HFM1: variants seen among roughly 807,000 people sequenced by gnomAD.
HFM1 encodes the protein probable ATP-dependent DNA helicase HFM1.
HFM1 carries 169 observed loss-of-function variants against 192.1 expected under a neutral mutation model. The observed-to-expected ratio is 0.88, with a 90% CI of 0.78 to 1.00. The LOEUF (loss-of-function observed/expected upper bound fraction) is 1.00. HFM1 is among the 50% of genes least tolerant of loss of function. The pLI, the probability that HFM1 is intolerant of heterozygous loss-of-function variation, is 0.00. For missense variants in HFM1, 1,661 were observed against 1,668.0 expected, an observed-to-expected ratio of 1.00 and a Z score of 0.07; for synonymous variants, 525 against 537.8, an observed-to-expected ratio of 0.98 and a Z score of 0.33.
intron 30 of HFM1, among the ~76,000 whole-genome samples, chr1:91,292,889 A>C (rs1169204358): frequency 2.6e-5 from 4 of 152,172 alleles, no homozygotes; most frequent in African/African-American, 9.7e-5. Context: ...AGCCCTCAGA[A>C]ATAACGCCAC....
chr1:91,273,361 C>T (rs577490470), intron 34 of HFM1, among the ~76,000 whole-genome samples: 1 of 151,964 alleles, frequency 6.6e-6, no homozygotes, highest in Non-Finnish European at 1.5e-5. Flanking sequence ...GTTTTATAAA[C>T]ATAAAATTAT....
At chr1:91,360,364 A>G (rs1658332166) in intron 13 of HFM1, among the ~76,000 whole-genome samples, 1 of 152,210 alleles carries the variant, frequency 6.6e-6, no homozygotes, top group Non-Finnish European at 1.5e-5. Flanking sequence ...TACCAAGCAA[A>G]TGGAAAACAG....
chr1:91,302,061 A>G (rs1648855951), intron 30 of HFM1, among the ~76,000 whole-genome samples: 1 of 142,114 alleles, frequency 7.0e-6, no homozygotes, highest in Admixed American at 7.3e-5. Flanking sequence ...AGAATCTACA[A>G]TGAACTCAAA....
chr1:91,378,928 AT>A, intron 9 of HFM1, 134 bp downstream of exon 9: 1 of 557,802 alleles, frequency 1.8e-6, no homozygotes, highest in Non-Finnish European at 3.0e-6. Flanking sequence ...GAATTGTAGT[AT>A]TTTTTTAATG....
intron 38 of HFM1, 30 bp from the exon 39 acceptor site, chr1:91,261,389 C>T: frequency 1.9e-6 from 2 of 1,057,776 alleles, no homozygotes; most frequent in Non-Finnish European, 2.6e-6. Flanking sequence ...GTAAAAATAA[C>T]TATTTTTTAA....
chr1:91,325,881 T>G (rs1652821357), intron 20 of HFM1, among the ~76,000 whole-genome samples: 1 of 152,090 alleles, frequency 6.6e-6, no homozygotes, highest in African/African-American at 2.4e-5. Flanking sequence ...GGATTCAGAA[T>G]TCTATCAGAT....
chr1:91,332,262 A>C (rs281976), intron 20 of HFM1, among the ~76,000 whole-genome samples: 32 of 152,298 alleles, frequency 2.1e-4, no homozygotes, highest in South Asian at 8.3e-4. Flanking sequence ...CAGACACATC[A>C]ATCAATGGAA....
intron 20 of HFM1, among the ~76,000 whole-genome samples, chr1:91,335,020 G>C (rs1049458032): frequency 6.6e-6 from 1 of 152,080 alleles, no homozygotes; most frequent in African/African-American, 2.4e-5. Flanking sequence ...AAAACAGCTG[G>C]GAAGAAGAAA....
chr1:91,292,912 A>C lies in HFM1; in HGVS notation c.3392-15850T>G, dbSNP rs1668947537. Reference sequence around the variant, plus strand: ...GAAATAACGCCACATATCTACAACTATCTGATCTTTGACAAACCCGACAAA... The same window carrying C: ...GAAATAACGCCACATATCTACAACTCTCTGATCTTTGACAAACCCGACAAA... On this transcript the variant is annotated intron_variant, in intron 30 of 38. Transcript: ENST00000370425. Among the ~76,000 whole-genome samples, 2 of 152,170 alleles carry C rather than the reference A, an allele frequency of 1.3e-5. 1 individual carries two copies. Among genetic ancestry groups the C allele is most frequent in the South Asian group, 4.1e-4 (2 of 4,832 alleles).
At chr1:91,371,990 CTCA>C (rs1473973437) in intron 13 of HFM1, among the ~76,000 whole-genome samples, 2 of 152,156 alleles carry the variant, frequency 1.3e-5, no homozygotes, top group African/African-American at 4.8e-5. Flanking sequence ...TGAAAAAATG[CTCA>C]TCATCACTGG....
chr1:91,271,545 G>A (rs1666294639), intron 34 of HFM1, among the ~76,000 whole-genome samples: 1 of 152,102 alleles, frequency 6.6e-6, no homozygotes, highest in South Asian at 2.1e-4. Flanking sequence ...CAGTGGAGAG[G>A]AAACAATGAA....
upstream of HFM1, among the ~76,000 whole-genome samples, chr1:91,405,052 T>G (rs1008632658): frequency 2.0e-5 from 3 of 152,150 alleles, no homozygotes; most frequent in East Asian, 5.8e-4. Context: ...TTCCCTAAGC[T>G]AACCTGCTTC....
chr1:91,297,036 T>C (rs1382579438), intron 30 of HFM1, among the ~76,000 whole-genome samples: 2 of 152,168 alleles, frequency 1.3e-5, no homozygotes, highest in African/African-American at 2.4e-5. Flanking sequence ...GAATTCCCTT[T>C]CCTAGTCAAA....
rs1292494825 is a variant in HFM1, at chr1:91,323,080, G to A, written c.2534+13C>T. On this transcript the variant is annotated intron_variant, in intron 22 of 38. Transcript: ENST00000370425. ...CCTCTTAAAATTATTTAAAACATATGTAATTTCTGTACCTGATAGTTATCC... is the reference window on the plus strand; with the variant it reads ...CCTCTTAAAATTATTTAAAACATATATAATTTCTGTACCTGATAGTTATCC... The A allele has an allele frequency of 7.0e-7, 1 of 1,422,782 alleles. No individual in the cohort carries two copies. The highest frequency in any genetic ancestry group is 1.3e-5 in the South Asian group (1 of 75,206). 88.1% of individuals were successfully genotyped at this position (1,422,782 alleles called of 1,614,324 possible).
chr1:91,323,561 A>C (rs1281312712), intron 21 of HFM1, among the ~76,000 whole-genome samples: 1 of 152,138 alleles, frequency 6.6e-6, no homozygotes, highest in African/African-American at 2.4e-5. Context: ...TACTACTACT[A>C]CTGCTATTCT....
intron 30 of HFM1, among the ~76,000 whole-genome samples, chr1:91,282,372 A>C (rs1570768522): frequency 6.6e-6 from 1 of 152,160 alleles, no homozygotes; most frequent in Middle Eastern, 3.4e-3. Flanking sequence ...GTTGCAATTT[A>C]ATCTTTAATT....
intron 11 of HFM1, chr1:91,377,511 T>C (rs1195931629): frequency 1.3e-5 from 2 of 153,114 alleles, no homozygotes; most frequent in African/African-American, 4.8e-5. Flanking sequence ...GAAAGTATAA[T>C]AGTGCACATG....
At chr1:91,324,397 A>T (rs1039897535) in intron 21 of HFM1, among the ~76,000 whole-genome samples, 15 of 152,226 alleles carry the variant, frequency 9.9e-5, no homozygotes, top group Non-Finnish European at 4.4e-5. Flanking sequence ...GGTAATTAGC[A>T]TTATCACCTA....
chr1:91,358,700 T>C (rs1476899270), intron 13 of HFM1, among the ~76,000 whole-genome samples: 2 of 152,140 alleles, frequency 1.3e-5, no homozygotes, highest in African/African-American at 2.4e-5. Flanking sequence ...GAAGAGAACA[T>C]AGGGCAAAGC....
Sources: gnomAD v4.1 joint callset for allele counts (sites outside exome capture counted in the v4.1 genomes callset) on GRCh38, gnomAD v4.1.1 for gene constraint, MANE v1.5 for transcripts, NCBI Gene and HGNC (gene_info 2026-07-23, HGNC 2026-07-21) for gene names.